WWOX: variants seen among roughly 807,000 people sequenced by gnomAD.
WWOX encodes the protein WW domain containing oxidoreductase, also known as WW domain-containing oxidoreductase.
Under a neutral mutation model 46.2 loss-of-function variants are expected in WWOX, and 69 were observed. The ratio of observed to expected loss-of-function variants is 1.49; its 90% confidence interval spans 1.23 to 1.82. The LOEUF (loss-of-function observed/expected upper bound fraction) is 1.82. WWOX is among the 40% of genes most tolerant of loss of function. WWOX has a pLI of 0.00. For missense variants in WWOX, 919 were observed against 542.6 expected, an observed-to-expected ratio of 1.69 and a Z score of -6.89; for synonymous variants, 359 against 202.6, an observed-to-expected ratio of 1.77 and a Z score of -6.56.
intron 8 of WWOX, among the ~76,000 whole-genome samples, chr16:79,010,665 A>G (rs950577341): frequency 1.3e-5 from 2 of 152,184 alleles, no homozygotes; most frequent in African/African-American, 4.8e-5. Context: ...AAGACAGTGG[A>G]TTGTTTCTCT....
chr16:78,485,321 T>TTA (rs2084604411), intron 8 of WWOX, among the ~76,000 whole-genome samples: 1 of 152,084 alleles, frequency 6.6e-6, no homozygotes, highest in Non-Finnish European at 1.5e-5. Flanking sequence ...TGGTTGATGT[T>TTA]CGATTTTGGC....
At chr16:78,998,948 G>T (rs1431959880) in intron 8 of WWOX, among the ~76,000 whole-genome samples, 4 of 152,214 alleles carry the variant, frequency 2.6e-5, no homozygotes, top group African/African-American at 9.6e-5. Context: ...AACCAAACTT[G>T]CAGGATGGGT....
At chr16:79,061,123 C>T (rs1263833620) in intron 8 of WWOX, among the ~76,000 whole-genome samples, 1 of 152,172 alleles carries the variant, frequency 6.6e-6, no homozygotes, top group Non-Finnish European at 1.5e-5. Flanking sequence ...CCATGGTGCT[C>T]ACAGTCTCTC....
At chr16:78,125,501 A>T (rs778808285) in intron 4 of WWOX, among the ~76,000 whole-genome samples, 1 of 152,104 alleles carries the variant, frequency 6.6e-6, no homozygotes, top group Non-Finnish European at 1.5e-5. Flanking sequence ...AAGTGCTGGG[A>T]GTGGCATCTG....
chr16:78,967,153 G>A (rs1311595794), intron 8 of WWOX, among the ~76,000 whole-genome samples: 1 of 152,034 alleles, frequency 6.6e-6, no homozygotes, highest in Non-Finnish European at 1.5e-5. Flanking sequence ...AAGTTTACCT[G>A]CCTCTCTGAG....
chr16:78,894,829 C>T (rs1001749286), intron 8 of WWOX, among the ~76,000 whole-genome samples: 1 of 152,174 alleles, frequency 6.6e-6, no homozygotes, highest in African/African-American at 2.4e-5. Context: ...CAGTTTTCCA[C>T]AATGCGGCTA....
intron 8 of WWOX, among the ~76,000 whole-genome samples, chr16:79,160,814 G>T (rs569393206): frequency 1.3e-5 from 2 of 152,152 alleles, no homozygotes; most frequent in Admixed American, 6.5e-5. Flanking sequence ...TATATGTTCT[G>T]TGTATATGTA....
At position 78,341,210 on chromosome 16, in the gene WWOX, C is replaced by T. The variant is rs1200480382; in HGVS notation, c.517-45650C>T. 6.3e-5 allele frequency among the ~76,000 whole-genome samples: 7 copies of T among 110,324 alleles called. 3 individuals are homozygous for T. Among genetic ancestry groups the T allele is most frequent in the African/African-American group, 2.2e-4 (7 of 31,148 alleles). 72.4% of individuals were successfully genotyped at this position (110,324 alleles called of 152,430 possible). A position where few individuals can be genotyped will look rare whatever the true frequency, so the allele number is the denominator to read the frequency against. ...AGAAATGAAGTCTCATTTTGTTTCC[C>T]AGGCTGGTCTCACTGTAATTCCTGG... On this transcript the variant is annotated intron_variant, in intron 5 of 8. Coordinates refer to ENST00000566780, the MANE Select transcript of WWOX (RefSeq NM_016373.4).
intron 8 of WWOX, among the ~76,000 whole-genome samples, chr16:78,830,866 G>A (rs898450017): frequency 5.9e-5 from 9 of 151,902 alleles, no homozygotes; most frequent in Non-Finnish European, 1.3e-4. Context: ...TTCTCCTACA[G>A]CCCCATCCTT....
chr16:79,185,951 TGTGTGTGTGTGCATGC>T (rs2051005508), intron 8 of WWOX, among the ~76,000 whole-genome samples: 1 of 151,770 alleles, frequency 6.6e-6, no homozygotes, highest in Non-Finnish European at 1.5e-5. Flanking sequence ...TGTCTGTGTG[TGTGTGTGTGTGCATGC>T]GTGTGTGTGT....
intron 8 of WWOX, among the ~76,000 whole-genome samples, chr16:78,963,100 C>T (rs909366637): frequency 6.6e-6 from 1 of 152,156 alleles, no homozygotes; most frequent in Admixed American, 6.5e-5. Flanking sequence ...CTACAATTAA[C>T]ATTTCCCTCT....
chr16:78,359,901 T>A (rs2081373733), intron 5 of WWOX, among the ~76,000 whole-genome samples: 1 of 152,346 alleles, frequency 6.6e-6, no homozygotes, highest in East Asian at 1.9e-4. Context: ...TTTTGTGACT[T>A]GGAAGATTGT....
intron 6 of WWOX, among the ~76,000 whole-genome samples, chr16:78,408,076 G>A (rs934667441): frequency 6.6e-6 from 1 of 152,142 alleles, no homozygotes; most frequent in African/African-American, 2.4e-5. Context: ...AAATGCCTAG[G>A]TAGATAGGAG....
chr16:78,713,273 C>CAAAAA lies in WWOX; in HGVS notation c.1056+280545_1056+280549dup, dbSNP rs5818165. On this transcript the variant is annotated intron_variant, in intron 8 of 8. Coordinates refer to ENST00000566780, the MANE Select transcript of WWOX (RefSeq NM_016373.4). Reference sequence around the variant, plus strand: ...TGGGTGACAAAGTGAGACTCTGTCTCAAAAAAAAAAAAAAAAAAAAAAAAA... The same window carrying CAAAAA: ...TGGGTGACAAAGTGAGACTCTGTCTCAAAAAAAAAAAAAAAAAAAAAAAAAAAAAA... 1.4e-3 allele frequency among the ~76,000 whole-genome samples: 24 copies of CAAAAA among 17,046 alleles called. 5 individuals carry two copies. Among genetic ancestry groups the CAAAAA allele is most frequent in the African/African-American group, 3.3e-3 (23 of 7,044 alleles). The allele number at this position is 17,046 out of a possible 152,430, so 11.2% of individuals were successfully genotyped here.
At chr16:79,113,296 T>C (rs964973733) in intron 8 of WWOX, among the ~76,000 whole-genome samples, 2 of 152,070 alleles carry the variant, frequency 1.3e-5, no homozygotes, top group African/African-American at 4.8e-5. Flanking sequence ...GGGTGAAGAA[T>C]TCACCTGGGA....
chr16:78,864,270 AT>A lies in WWOX; in HGVS notation c.1057-347324del, dbSNP rs35719471. Among the ~76,000 whole-genome samples the A allele has an allele frequency of 4.6e-3, 666 of 145,950 alleles. 2 individuals are homozygous for A. The highest frequency in any genetic ancestry group is 0.011 in the African/African-American group (418 of 39,786). ...AATGGAGCCCTTTTTTACTTTACAGATTTTTTTTTTTTTTGAGAGAGAATCT... is the reference window on the plus strand; with the variant it reads ...AATGGAGCCCTTTTTTACTTTACAGATTTTTTTTTTTTTGAGAGAGAATCT... On this transcript the variant is annotated intron_variant, in intron 8 of 8. Transcript: ENST00000566780.
intron 8 of WWOX, chr16:78,872,997 A>C (rs975375659): frequency 3.3e-5 from 5 of 152,144 alleles, no homozygotes; most frequent in East Asian, 1.9e-4. Flanking sequence ...AGGTCTTGCT[A>C]TGCTGCCCAG....
intron 8 of WWOX, among the ~76,000 whole-genome samples, chr16:78,858,144 T>TTG (rs59637371): frequency 0.053 from 7,877 of 148,520 alleles, 219 homozygotes; most frequent in Non-Finnish European, 0.067. Flanking sequence ...CATTGTGTGT[T>TTG]TGTGTGTGTG....
At chr16:78,633,802 T>C (rs1431955310) in intron 8 of WWOX, among the ~76,000 whole-genome samples, 1 of 152,096 alleles carries the variant, frequency 6.6e-6, no homozygotes, top group Non-Finnish European at 1.5e-5. Context: ...ACCCGGGCTG[T>C]GTTCCCGAGT....
Sources: allele counts gnomAD v4.1 joint callset (sites outside exome capture counted in the v4.1 genomes callset), GRCh38; gene constraint gnomAD v4.1.1; transcripts MANE v1.5; gene names NCBI Gene and HGNC (gene_info 2026-07-23, HGNC 2026-07-21).